The following FGF9 variants were observed in gnomAD, a reference collection of about 807,000 sequenced individuals.
FGF9 encodes fibroblast growth factor 9 (glia-activating factor).
A neutral mutation model predicts 19.9 loss-of-function variants in FGF9; 3 were observed. That is an observed-to-expected ratio of 0.15 (90% CI 0.07 to 0.39). FGF9 has a LOEUF of 0.39. Among genes scored for constraint, FGF9 ranks in the 10% least tolerant of loss-of-function variants. The pLI is 1.00. For synonymous variants in FGF9, 107 were observed against 106.9 expected, an observed-to-expected ratio of 1.00 and a Z score of -0.01; for missense variants, 175 against 256.8, an observed-to-expected ratio of 0.68 and a Z score of 2.18.
rs1177664708 is a variant in FGF9 at position 21,672,253 on chromosome 13, AGGT to A, written c.277+70_277+72del. 3 of 1,590,690 alleles carry A rather than the reference AGGT, an allele frequency of 1.9e-6. No individual in the cohort carries two copies. The highest frequency in any genetic ancestry group is 1.7e-4 in the Middle Eastern group (1 of 5,946). ...CATGTTGAAATTATAACTACCAAGA[AGGT>A]GGTGGCCGGGTGGGGGACGTGGGAA... On this transcript the variant is annotated intron_variant, in intron 1 of 2. Coordinates refer to ENST00000382353, the MANE Select transcript of FGF9 (RefSeq NM_002010.3). The surrounding 1 kb of genome is among the most constrained non-coding windows in gnomAD (Gnocchi z 4.2).
rs1023004306 is a variant in FGF9 at position 21,672,468 on chromosome 13, A to G, written c.277+279A>G. On this transcript the variant is annotated intron_variant, in intron 1 of 2. Transcript: ENST00000382353. The surrounding 1 kb of genome is among the most constrained non-coding windows in gnomAD (Gnocchi z 4.2). ...ATTTATAAATATAATACAAGTTTCC[A>G]GTTCTTTTGCATCAGATACACGGGT... Among the ~76,000 whole-genome samples, 3 of 152,234 alleles carry G rather than the reference A, an allele frequency of 2.0e-5. No homozygotes were observed. Among genetic ancestry groups the G allele is most frequent in the Admixed American group, 6.5e-5 (1 of 15,288 alleles).
intron 1 of FGF9, among the ~76,000 whole-genome samples, chr13:21,676,820 C>T (rs1337058506): frequency 6.6e-6 from 1 of 152,234 alleles, no homozygotes; most frequent in Non-Finnish European, 1.5e-5. Flanking sequence ...CTGCCTTCCT[C>T]TCCCACTGCC....
chr13:21,693,969 A>G (rs1208872647), intron 2 of FGF9, among the ~76,000 whole-genome samples: 3 of 152,108 alleles, frequency 2.0e-5, no homozygotes, highest in Non-Finnish European at 2.9e-5. Context: ...AACTGCACTG[A>G]GTCCCTTTTT....
At chr13:21,675,604 C>T (rs1034605985) in intron 1 of FGF9, among the ~76,000 whole-genome samples, 4 of 152,310 alleles carry the variant, frequency 2.6e-5, no homozygotes, top group African/African-American at 9.6e-5. Flanking sequence ...AGCAGCCTCT[C>T]CTCCGCAGCC....
rs1170212722 is a variant in FGF9 at position 21,702,289 on chromosome 13, C to T, written c.*854C>T. 4 of 152,154 alleles carry T rather than the reference C, an allele frequency of 2.6e-5. No individual in the cohort carries two copies. The highest frequency in any genetic ancestry group is 5.9e-5 in the Non-Finnish European group (4 of 68,022). The allele number at this position is 152,154 out of a possible 1,614,324, so 9.4% of individuals were successfully genotyped here. A position where few individuals can be genotyped will look rare whatever the true frequency, so the allele number is the denominator to read the frequency against. ...TCTTTTGTGCCCATATTATTGTAAACTTATGCACATCGCTCATGACACTGA... is the reference window on the plus strand; with the variant it reads ...TCTTTTGTGCCCATATTATTGTAAATTTATGCACATCGCTCATGACACTGA... On this transcript the variant is annotated 3_prime_UTR_variant, in exon 3 of 3. Coordinates refer to ENST00000382353, the MANE Select transcript of FGF9 (RefSeq NM_002010.3).
intron 1 of FGF9, among the ~76,000 whole-genome samples, chr13:21,680,593 A>G (rs548789667): frequency 6.6e-6 from 1 of 152,316 alleles, no homozygotes; most frequent in African/African-American, 2.4e-5. Context: ...CTAAAAAAGT[A>G]TTCTGTTTAG....
At chr13:21,685,727 A>G (rs1380689765) in intron 2 of FGF9, among the ~76,000 whole-genome samples, 3 of 152,218 alleles carry the variant, frequency 2.0e-5, no homozygotes, top group African/African-American at 7.2e-5. Flanking sequence ...CCCATAGTAG[A>G]GGAATGGACA....
At chr13:21,687,805 A>G (rs1191967619) in intron 2 of FGF9, among the ~76,000 whole-genome samples, 2 of 152,158 alleles carry the variant, frequency 1.3e-5, no homozygotes, top group Non-Finnish European at 2.9e-5. Context: ...ACTGACAATA[A>G]TTTTAAACCC....
chr13:21,701,636 GC>G lies in FGF9; in HGVS notation c.*203del. 1 of 631,310 alleles carries G rather than the reference GC, an allele frequency of 1.6e-6. No homozygotes were observed. Among genetic ancestry groups the G allele is most frequent in the South Asian group, 1.9e-5 (1 of 52,896 alleles). The allele number at this position is 631,310 out of a possible 1,614,324, so 39.1% of individuals were successfully genotyped here. A position where few individuals can be genotyped will look rare whatever the true frequency, so the allele number is the denominator to read the frequency against. ...TAAAGGCTTCTCCTCCTGGAGGGCT[GC>G]CTAGGGCCACTTGCTTGATTTATCA... is the stretch of plus-strand genomic sequence containing the variant. On this transcript the variant is annotated 3_prime_UTR_variant, in exon 3 of 3. Coordinates refer to ENST00000382353, the MANE Select transcript of FGF9 (RefSeq NM_002010.3).
rs1872538272 is a variant in FGF9, at chr13:21,701,365, A to AT, written c.563dup (p.Leu188PhefsTer3). ...ACTAAACGGCACCAGAAATTCACAC[A>AT]TTTTTTACCTAGACCAGTGGACCCC... On this transcript the variant is annotated frameshift_variant, in exon 3 of 3. Transcript: ENST00000382353. LOFTEE classifies it high-confidence loss of function. 1 of 1,613,906 alleles carries AT rather than the reference A, an allele frequency of 6.2e-7. No individual in the cohort carries two copies.
rs919163256 is a variant in FGF9 at position 21,702,937 on chromosome 13, A to G, written c.*1502A>G. ...ATTTTTTTAGAGGGGATATTACTAT[A>G]TAGAATATCTTTTACAAGGCTTTTA... On this transcript the variant is annotated 3_prime_UTR_variant, in exon 3 of 3. Coordinates refer to ENST00000382353, the MANE Select transcript of FGF9 (RefSeq NM_002010.3). 6.6e-6 allele frequency: 1 copy of G among 152,232 alleles called. No individual in the cohort carries two copies. The highest frequency in any genetic ancestry group is 2.4e-5 in the African/African-American group (1 of 41,470). The allele number at this position is 152,232 out of a possible 1,614,324, so 9.4% of individuals were successfully genotyped here. A position where few individuals can be genotyped will look rare whatever the true frequency, so the allele number is the denominator to read the frequency against.
rs1340880255 is a variant in FGF9 at position 21,671,448 on chromosome 13, T to C, written c.-465T>C. On this transcript the variant is annotated 5_prime_UTR_variant, in exon 1 of 3. Transcript: ENST00000382353. ...TAGAGAGTAAAAACAGCGCATGCCT[T>C]CCTGGAGTCAGGATCCGTAAATTCT... 3 of 432,116 alleles carry C rather than the reference T, an allele frequency of 6.9e-6. No individual in the cohort carries two copies. In the Admixed American group the frequency reaches 1.2e-4, roughly 17 times the overall value. The allele number at this position is 432,116 out of a possible 1,614,324, so 26.8% of individuals were successfully genotyped here.
In FGF9 at chr13:21,702,324, C is replaced by T. The variant is rs939029098; in HGVS notation, c.*889C>T. 4 of 152,194 alleles carry T rather than the reference C, an allele frequency of 2.6e-5. No individual in the cohort carries two copies. The highest frequency in any genetic ancestry group is 5.9e-5 in the Non-Finnish European group (4 of 68,044). 9.4% of individuals were successfully genotyped at this position (152,194 alleles called of 1,614,324 possible). The stretch of plus-strand genomic sequence containing the variant: ...TCGCTCATGACACTGAGTATTCACT[C>T]TTCAGACTGCTTGTTTCATAGCTTA... On this transcript the variant is annotated 3_prime_UTR_variant, in exon 3 of 3. Coordinates refer to ENST00000382353, the MANE Select transcript of FGF9 (RefSeq NM_002010.3).
intron 2 of FGF9, among the ~76,000 whole-genome samples, chr13:21,690,889 C>T (rs1338363296): frequency 6.6e-6 from 1 of 152,128 alleles, no homozygotes; most frequent in African/African-American, 2.4e-5. Flanking sequence ...TTGCTAAGCG[C>T]AAGAAGGCTG....
chr13:21,695,031 C>T (rs2138145084), intron 2 of FGF9, among the ~76,000 whole-genome samples: 1 of 151,730 alleles, frequency 6.6e-6, no homozygotes, highest in East Asian at 1.9e-4. Flanking sequence ...AGACTGGGTA[C>T]CACATGGTTG....
chr13:21,685,295 A>T (rs1872133441), intron 2 of FGF9, among the ~76,000 whole-genome samples: 10 of 152,180 alleles, frequency 6.6e-5, no homozygotes, highest in Admixed American at 6.5e-4. Flanking sequence ...GTAAATGTGA[A>T]ATTCATTTAA....
chr13:21,679,087 A>G (rs1871979383), intron 1 of FGF9, among the ~76,000 whole-genome samples: 1 of 152,232 alleles, frequency 6.6e-6, no homozygotes, highest in Admixed American at 6.5e-5. Flanking sequence ...CTTTTGAAGT[A>G]GGGAAGGCTA....
Position 21,672,168 on chromosome 13 carries a change from A to G in FGF9, c.256A>G (p.Arg86Gly), listed in dbSNP as rs1214948323. 1.2e-6 allele frequency: 2 copies of G among 1,614,122 alleles called. No individual in the cohort carries two copies. The highest frequency in any genetic ancestry group is 1.7e-5 in the Admixed American group (1 of 60,014). Residue 86 changes from arginine (R) to glycine (G), a missense_variant, in exon 1 of 3, where the codon AGG becomes GGG. Arg to Gly is a moderately radical substitution (Grantham distance 125). Around this residue, in one of 3 missense-constraint regions of FGF9, gnomAD observed 101 missense variants for 160.7 expected, o/e 0.63. Transcript: ENST00000382353. The surrounding 1 kb of genome is among the most constrained non-coding windows in gnomAD (Gnocchi z 4.2). ...IFPNGTIQGT[R>G]KDHSRFGILE... ...CCCCAATGGTACTATCCAGGGAACCAGGAAAGACCACAGCCGATTTGGTAG... is the reference window on the plus strand; with the variant it reads ...CCCCAATGGTACTATCCAGGGAACCGGGAAAGACCACAGCCGATTTGGTAG...
At chr13:21,693,691 G>C (rs917936918) in intron 2 of FGF9, among the ~76,000 whole-genome samples, 1 of 152,192 alleles carries the variant, frequency 6.6e-6, no homozygotes, top group Non-Finnish European at 1.5e-5. Context: ...ACATTGGGAA[G>C]AGGATGCGGC....
Sources: gnomAD v4.1 joint callset for allele counts (sites outside exome capture counted in the v4.1 genomes callset) on GRCh38, gnomAD v4.1.1 for gene constraint, gnomAD v4.1.1 regional missense constraint, Gnocchi (gnomAD v3.1) non-coding constraint, MANE v1.5 for transcripts, NCBI Gene and HGNC (gene_info 2026-07-23, HGNC 2026-07-21) for gene names.